Variants in KCNMA1 observed in about 807,000 individuals in gnomAD.
KCNMA1 encodes the protein potassium calcium-activated channel subfamily M alpha 1, also known as Calcium-activated potassium channel subunit alpha-1.
A neutral mutation model predicts 140.0 loss-of-function variants in KCNMA1; 29 were observed. The ratio of observed to expected loss-of-function variants is 0.21; its 90% CI spans 0.15 to 0.28. The LOEUF (loss-of-function observed/expected upper bound fraction) is 0.28. KCNMA1 is among the 10% of genes least tolerant of loss of function. The probability of loss-of-function intolerance (pLI) is 1.00; values close to 1 mark genes in which losing one functional copy is unlikely to be tolerated. For missense variants in KCNMA1, 880 were observed against 1,602.2 expected, an observed-to-expected ratio of 0.55 and a Z score of 7.70; for synonymous variants, 612 against 611.9, an observed-to-expected ratio of 1.00 and a Z score of 0.00.
intron 25 of KCNMA1, 32 bp from the exon 26 acceptor site, chr10:76,891,751 C>T (rs1230280525): frequency 6.3e-7 from 1 of 1,581,834 alleles, no homozygotes; most frequent in African/African-American, 1.3e-5. Context: ...GGGAAAAGTC[C>T]TTTAAGCAAA....
chr10:77,078,665 A>G (rs1039914938), intron 13 of KCNMA1, among the ~76,000 whole-genome samples: 1 of 152,306 alleles, frequency 6.6e-6, no homozygotes, highest in East Asian at 1.9e-4. Context: ...CCTATCACTC[A>G]CTTGCCTGGA....
intron 1 of KCNMA1, among the ~76,000 whole-genome samples, chr10:77,420,151 C>T (rs1053869043): frequency 6.6e-5 from 10 of 152,216 alleles, no homozygotes; most frequent in South Asian, 2.1e-4. Flanking sequence ...CTGAGGGTAA[C>T]TCATGGTCCC....
At chr10:77,249,110 A>G (rs2059205051) in intron 3 of KCNMA1, among the ~76,000 whole-genome samples, 1 of 152,254 alleles carries the variant, frequency 6.6e-6, no homozygotes, top group Non-Finnish European at 1.5e-5. Flanking sequence ...CAGAATGGGA[A>G]TAGCCTTGTT....
chr10:77,086,408 T>A, intron 11 of KCNMA1, 80 bp downstream of exon 11: 1 of 1,018,832 alleles, frequency 9.8e-7, no homozygotes, highest in South Asian at 1.3e-5. Context: ...AGGAGGTGTG[T>A]CCCCTCAGCA....
chr10:77,219,444 G>A (rs576769071), intron 3 of KCNMA1, among the ~76,000 whole-genome samples: 1 of 152,090 alleles, frequency 6.6e-6, no homozygotes. Flanking sequence ...TACCAGCCTG[G>A]GGTCTTGGGT....
chr10:77,293,948 A>G (rs767159931), intron 2 of KCNMA1, among the ~76,000 whole-genome samples: 26 of 152,238 alleles, frequency 1.7e-4, no homozygotes, highest in African/African-American at 2.2e-4. Flanking sequence ...TTCACAAACA[A>G]TAGCTGTGTC....
chr10:77,630,694 G>T (rs2093077809), intron 1 of KCNMA1, among the ~76,000 whole-genome samples: 1 of 152,118 alleles, frequency 6.6e-6, no homozygotes, highest in Non-Finnish European at 1.5e-5. Flanking sequence ...TCAAAGTGTG[G>T]TCTGCACAGC....
chr10:77,532,636 A>G (rs1193435971), intron 1 of KCNMA1, among the ~76,000 whole-genome samples: 1 of 152,236 alleles, frequency 6.6e-6, no homozygotes, highest in Non-Finnish European at 1.5e-5. Context: ...ATATTTTTAA[A>G]GCAAAGTTAG....
chr10:76,949,187 C>T lies in KCNMA1; in HGVS notation c.2664G>A (p.Arg888=), dbSNP rs1430010589. The change falls in exon 22 of 28, where the codon CGG becomes CGA. Residue 888 remains arginine (R), a synonymous_variant. Coordinates refer to ENST00000286628, the MANE Select transcript of KCNMA1 (RefSeq NM_001161352.2). ...GGAAGTTATGAAGCGTCTCCCATTC[C>T]CGCTTGAGGTACTCAATAGAGCCCA... ...VFVGSIEYLK[R]EWETLHNFPK... 5.6e-6 allele frequency: 9 copies of T among 1,614,138 alleles called. No individual in the cohort carries two copies. Among genetic ancestry groups the T allele is most frequent in the Non-Finnish European group, 7.6e-6 (9 of 1,179,998 alleles).
chr10:77,315,213 A>G (rs2080498631), intron 2 of KCNMA1, among the ~76,000 whole-genome samples: 1 of 152,178 alleles, frequency 6.6e-6, no homozygotes, highest in South Asian at 2.1e-4. Context: ...CCATGTGCCT[A>G]CGTTTGGTTG....
At chr10:77,266,585 G>T (rs994837080) in intron 2 of KCNMA1, among the ~76,000 whole-genome samples, 1 of 152,164 alleles carries the variant, frequency 6.6e-6, no homozygotes, top group South Asian at 2.1e-4. Flanking sequence ...TTTAAGTCTT[G>T]TTGTTTCTTT....
At chr10:77,308,077 T>G (rs2078271329) in intron 2 of KCNMA1, among the ~76,000 whole-genome samples, 1 of 152,180 alleles carries the variant, frequency 6.6e-6, no homozygotes, top group African/African-American at 2.4e-5. Flanking sequence ...GTGCTGTAGA[T>G]GAGCACCTAC....
chr10:76,968,366 A>G (rs2074780990), intron 20 of KCNMA1, among the ~76,000 whole-genome samples: 1 of 152,216 alleles, frequency 6.6e-6, no homozygotes, highest in South Asian at 2.1e-4. Flanking sequence ...AAGCATATGA[A>G]AACAGTATAA....
At chr10:77,447,717 G>A (rs376454025) in intron 1 of KCNMA1, among the ~76,000 whole-genome samples, 3 of 152,148 alleles carry the variant, frequency 2.0e-5, no homozygotes, top group East Asian at 3.9e-4. Context: ...AAGAACAGGG[G>A]CTCATTGGTA....
chr10:77,266,851 A>T (rs2063591949), intron 2 of KCNMA1, among the ~76,000 whole-genome samples: 1 of 152,142 alleles, frequency 6.6e-6, no homozygotes, highest in Non-Finnish European at 1.5e-5. Flanking sequence ...TCATTTATTC[A>T]ATCAATGTAT....
At chr10:77,161,771 C>T (rs1174232633) in intron 5 of KCNMA1, among the ~76,000 whole-genome samples, 1 of 152,146 alleles carries the variant, frequency 6.6e-6, no homozygotes, top group East Asian at 1.9e-4. Context: ...CTCATGTTTA[C>T]TCTTCTGTAG....
intron 25 of KCNMA1, among the ~76,000 whole-genome samples, chr10:76,899,292 T>C (rs1281629167): frequency 6.6e-6 from 1 of 152,146 alleles, no homozygotes; most frequent in African/African-American, 2.4e-5. Context: ...ATGCTAAATT[T>C]CCCCTGGAAA....
intron 2 of KCNMA1, among the ~76,000 whole-genome samples, chr10:77,305,594 C>T (rs562693664): frequency 3.9e-5 from 6 of 152,234 alleles, no homozygotes; most frequent in Admixed American, 2.6e-4. Flanking sequence ...ACCTAGCTTA[C>T]GGAAAGGACA....
intron 2 of KCNMA1, among the ~76,000 whole-genome samples, chr10:77,319,798 A>G (rs2081862058): frequency 6.6e-6 from 1 of 152,236 alleles, no homozygotes; most frequent in Admixed American, 6.5e-5. Flanking sequence ...GGAAGTTTCC[A>G]TCAATCTGGT....
Sources: gnomAD v4.1 joint callset for allele counts (sites outside exome capture counted in the v4.1 genomes callset) on GRCh38, gnomAD v4.1.1 for gene constraint, MANE v1.5 for transcripts, NCBI Gene and HGNC (gene_info 2026-07-23, HGNC 2026-07-21) for gene names.